BCL2L11: variants seen among roughly 807,000 people sequenced by gnomAD.
BCL2L11 encodes the protein bcl-2-like protein 11.
Under a neutral mutation model 20.6 loss-of-function variants are expected in BCL2L11, and 15 were observed. That is an observed-to-expected ratio of 0.73 (90% confidence interval 0.49 to 1.12). The LOEUF is 1.12. Ranked by LOEUF, BCL2L11 falls within the 50% of genes most tolerant of loss-of-function variation. The pLI is 0.00. For synonymous variants in BCL2L11, 108 were observed against 92.8 expected (o/e 1.16, Z -0.94); for missense variants, 292 against 260.9 (o/e 1.12, Z -0.82).
chr2:111,139,823 C>T (rs539754461), intron 2 of BCL2L11, among the ~76,000 whole-genome samples: 2 of 152,362 alleles, frequency 1.3e-5, no homozygotes, highest in Non-Finnish European at 2.9e-5. Context: ...TTTCTCTTCT[C>T]TGCCTTGGAC....
chr2:111,123,143 G>C, intron 1 of BCL2L11: 3 of 984,970 alleles, frequency 3.0e-6, no homozygotes, highest in Non-Finnish European at 3.6e-6. Context: ...ACGGGAGCGG[G>C]AGGGAGGGAG....
In BCL2L11 at chr2:111,145,935, T is replaced by TC. The variant is rs1368090150; in HGVS notation, c.395-4109_395-4108insC. The TC allele has an allele frequency of 3.2e-6, 3 of 949,300 alleles. No individual in the cohort carries two copies. The East Asian group carries it at 3.5e-4, about 110-fold the overall frequency. The allele number at this position is 949,300 out of a possible 1,614,324, so 58.8% of individuals were successfully genotyped here. ...TAGTGGCTTTCTTTTTTTTTTTTTT[T>TC]TTTTTGTAACAAGTAAAGAGAAAGA... On this transcript the variant is annotated intron_variant, in intron 2 of 3. Coordinates refer to ENST00000393256, the MANE Select transcript of BCL2L11 (RefSeq NM_138621.5).
intron 2 of BCL2L11, among the ~76,000 whole-genome samples, chr2:111,140,937 G>T (rs369859241): frequency 1.8e-4 from 28 of 152,204 alleles, no homozygotes; most frequent in East Asian, 1.2e-3. Flanking sequence ...TTAGAACTCT[G>T]TCCTCGGCAA....
chr2:111,152,146 A>G (rs2077332163), intron 3 of BCL2L11, among the ~76,000 whole-genome samples: 1 of 152,252 alleles, frequency 6.6e-6, no homozygotes. Flanking sequence ...TATTGTGTCC[A>G]GAATCCAACA....
chr2:111,139,672 G>A (rs2075491532), intron 2 of BCL2L11, among the ~76,000 whole-genome samples: 1 of 152,188 alleles, frequency 6.6e-6, no homozygotes, highest in Admixed American at 6.5e-5. Flanking sequence ...CTATGAGGTA[G>A]CGGAAGTAAA....
chr2:111,126,566 G>C (rs1302748520), intron 2 of BCL2L11, among the ~76,000 whole-genome samples: 1 of 150,050 alleles, frequency 6.7e-6, no homozygotes, highest in African/African-American at 2.5e-5. Context: ...AGCCAGATGT[G>C]AGTTTCTTAA....
chr2:111,154,423 A>G (rs964727431), intron 3 of BCL2L11, among the ~76,000 whole-genome samples: 1 of 151,770 alleles, frequency 6.6e-6, no homozygotes, highest in Non-Finnish European at 1.5e-5. Context: ...CATTGAATTC[A>G]CGTGTTTTAC....
chr2:111,155,390 C>T (rs1249730392), intron 3 of BCL2L11, among the ~76,000 whole-genome samples: 2 of 152,118 alleles, frequency 1.3e-5, no homozygotes, highest in Non-Finnish European at 2.9e-5. Flanking sequence ...GACGCAGTGC[C>T]AGCAAGTGTA....
intron 3 of BCL2L11, among the ~76,000 whole-genome samples, chr2:111,157,207 G>A (rs943725272): frequency 3.6e-4 from 55 of 152,334 alleles, no homozygotes; most frequent in African/African-American, 1.3e-3. Flanking sequence ...CCATGAGGAA[G>A]GAGATGCAGG....
At chr2:111,146,013 A>G in intron 2 of BCL2L11, 1 of 980,974 alleles carries the variant, frequency 1.0e-6, no homozygotes, top group South Asian at 4.7e-5. Context: ...TACTTGCAGG[A>G]TTGGAGCTTT....
chr2:111,125,868 G>C (rs1321791245), intron 2 of BCL2L11, among the ~76,000 whole-genome samples: 1 of 152,108 alleles, frequency 6.6e-6, no homozygotes, highest in East Asian at 1.9e-4. Context: ...AGAAGTTCTT[G>C]GCTTGTAGTT....
In BCL2L11 at chr2:111,151,872, A is replaced by AT. The variant is rs1249909752; in HGVS notation, c.498+1727dup. 7.1e-6 allele frequency: 11 copies of AT among 1,549,490 alleles called. No homozygotes were observed. In the South Asian group the frequency reaches 8.3e-5, roughly 12 times the overall value. On this transcript the variant is annotated intron_variant, in intron 3 of 3. Coordinates refer to ENST00000393256, the MANE Select transcript of BCL2L11 (RefSeq NM_138621.5). Reference sequence around the variant, plus strand: ...CCTGACATAAACCAGTTCACAGAACATTCCAGCCTAGATCTGAAATGGTAA... The same window carrying AT: ...CCTGACATAAACCAGTTCACAGAACATTTCCAGCCTAGATCTGAAATGGTAA...
intron 2 of BCL2L11, among the ~76,000 whole-genome samples, chr2:111,143,636 C>A (rs1315879812): frequency 6.6e-6 from 1 of 152,156 alleles, no homozygotes; most frequent in East Asian, 1.9e-4. Context: ...GGCACACAGG[C>A]TGGGAGTCTT....
intron 2 of BCL2L11, chr2:111,128,946 C>A (rs530730726): frequency 1.1e-6 from 1 of 939,646 alleles, no homozygotes; most frequent in Non-Finnish European, 1.5e-6. Context: ...GCTGGCCTCA[C>A]AGAGGAGCTG....
intron 2 of BCL2L11, among the ~76,000 whole-genome samples, chr2:111,148,289 G>T (rs990541532): frequency 6.6e-5 from 10 of 152,188 alleles, no homozygotes; most frequent in African/African-American, 2.4e-4. Flanking sequence ...TGAGACCCTT[G>T]TGCAGTGGGT....
At chr2:111,148,640 C>T (rs1011677255) in intron 2 of BCL2L11, among the ~76,000 whole-genome samples, 7 of 152,200 alleles carry the variant, frequency 4.6e-5, no homozygotes, top group Admixed American at 1.3e-4. Context: ...TGCTTCTCCA[C>T]CAGGGCTTCC....
chr2:111,138,118 C>A (rs543658680), intron 2 of BCL2L11, among the ~76,000 whole-genome samples: 1 of 151,412 alleles, frequency 6.6e-6, no homozygotes, highest in East Asian at 1.9e-4. Context: ...AAGTGATTGT[C>A]CTGCCTCAGC....
chr2:111,151,759 C>G, intron 3 of BCL2L11: 2 of 1,319,252 alleles, frequency 1.5e-6, no homozygotes, highest in South Asian at 2.5e-5. Context: ...AGTAATGATT[C>G]TGTTGTAAAA....
At chr2:111,132,163 A>C (rs2074072785) in intron 2 of BCL2L11, 1 of 152,214 alleles carries the variant, frequency 6.6e-6, no homozygotes, top group Admixed American at 6.5e-5. Context: ...TGGCAATGGA[A>C]AATAAATCGG....
Sources: gnomAD v4.1 joint callset for allele counts (sites outside exome capture counted in the v4.1 genomes callset) on GRCh38, gnomAD v4.1.1 for gene constraint, MANE v1.5 for transcripts, NCBI Gene and HGNC (gene_info 2026-07-23, HGNC 2026-07-21) for gene names.